Variants in SOCS5 observed in about 807,000 individuals in gnomAD.
SOCS5 encodes the protein suppressor of cytokine signaling 5, also known as CIS-6.
A neutral mutation model predicts 42.8 loss-of-function variants in SOCS5; 32 were observed. The ratio of observed to expected loss-of-function variants is 0.75; its 90% CI spans 0.56 to 1.01. SOCS5 has a LOEUF of 1.01. SOCS5 is among the 50% of genes least tolerant of loss of function. SOCS5 has a pLI of 0.00. For missense variants in SOCS5, 627 were observed against 653.0 expected, an observed-to-expected ratio of 0.96 and a Z score of 0.43; for synonymous variants, 283 against 229.6, an observed-to-expected ratio of 1.23 and a Z score of -2.10.
At chr2:46,703,345 G>GT (rs1672387059) in intron 1 of SOCS5, among the ~76,000 whole-genome samples, 1 of 144,000 alleles carries the variant, frequency 6.9e-6, no homozygotes, top group Non-Finnish European at 1.5e-5. Context: ...GCCATCACAA[G>GT]TTTTCACAGT....
At chr2:46,706,206 A>G (rs541969346) in intron 1 of SOCS5, among the ~76,000 whole-genome samples, 2 of 152,186 alleles carry the variant, frequency 1.3e-5, no homozygotes, top group Non-Finnish European at 1.5e-5. Context: ...TTAGTTCAGA[A>G]AGGTAGGTGG....
intron 1 of SOCS5, among the ~76,000 whole-genome samples, chr2:46,729,628 A>C (rs1041620434): frequency 6.6e-6 from 1 of 152,218 alleles, no homozygotes; most frequent in African/African-American, 2.4e-5. Flanking sequence ...ACACCTGTAT[A>C]GGGCACTTGT....
chr2:46,750,151 C>T (rs766823408), intron 1 of SOCS5, among the ~76,000 whole-genome samples: 7 of 152,110 alleles, frequency 4.6e-5, no homozygotes, highest in Non-Finnish European at 1.0e-4. Flanking sequence ...CCTTTCTGCT[C>T]CTGCCTCCCA....
intron 1 of SOCS5, among the ~76,000 whole-genome samples, chr2:46,712,336 C>CG (rs1672642055): frequency 1.5e-5 from 1 of 64,954 alleles, no homozygotes; most frequent in Non-Finnish European, 2.6e-5. Flanking sequence ...GGATGTTTAG[C>CG]TTTTTTTTTT....
At chr2:46,712,634 G>A (rs913053654) in intron 1 of SOCS5, among the ~76,000 whole-genome samples, 9 of 152,152 alleles carry the variant, frequency 5.9e-5, no homozygotes, top group Admixed American at 1.3e-4. Flanking sequence ...GAGCCACTGT[G>A]CCCGGCCTGT....
At chr2:46,744,755 TGACCTCCGGTGATCCGCCC>T (rs1307625339) in intron 1 of SOCS5, among the ~76,000 whole-genome samples, 4 of 151,880 alleles carry the variant, frequency 2.6e-5, no homozygotes, top group Non-Finnish European at 5.9e-5. Context: ...TTCAAACTCC[TGACCTCCGGTGATCCGCCC>T]ACCTCAGCCT....
At chr2:46,705,982 G>C (rs1364052848) in intron 1 of SOCS5, among the ~76,000 whole-genome samples, 1 of 152,202 alleles carries the variant, frequency 6.6e-6, no homozygotes, top group Non-Finnish European at 1.5e-5. Context: ...GACCCAGGAA[G>C]GGGATCCAGA....
At chr2:46,749,803 A>G (rs886814055) in intron 1 of SOCS5, among the ~76,000 whole-genome samples, 1 of 152,216 alleles carries the variant, frequency 6.6e-6, no homozygotes, top group Non-Finnish European at 1.5e-5. Flanking sequence ...CTTAGGATAT[A>G]ATATGGAAGT....
intron 1 of SOCS5, among the ~76,000 whole-genome samples, chr2:46,701,578 A>G (rs570449734): frequency 4.6e-5 from 7 of 152,110 alleles, no homozygotes; most frequent in African/African-American, 1.4e-4. Flanking sequence ...CCAACTGTTA[A>G]TGGTTTTTGG....
chr2:46,729,081 A>C (rs1306960123), intron 1 of SOCS5, among the ~76,000 whole-genome samples: 2 of 152,168 alleles, frequency 1.3e-5, no homozygotes, highest in Non-Finnish European at 2.9e-5. Flanking sequence ...TTAATTTGAG[A>C]ACCATTTATC....
At chr2:46,702,692 G>A (rs1163616674) in intron 1 of SOCS5, among the ~76,000 whole-genome samples, 1 of 152,098 alleles carries the variant, frequency 6.6e-6, no homozygotes, top group Admixed American at 6.5e-5. Context: ...AGATTTTAGT[G>A]ATAAAATGTG....
intron 1 of SOCS5, among the ~76,000 whole-genome samples, chr2:46,711,411 A>AT: frequency 6.6e-6 from 1 of 152,210 alleles, no homozygotes; most frequent in Admixed American, 6.5e-5. Context: ...CTTATAGGCT[A>AT]TTTTGCATAT....
intron 1 of SOCS5, among the ~76,000 whole-genome samples, chr2:46,750,562 A>G (rs903143483): frequency 6.6e-6 from 1 of 152,168 alleles, no homozygotes; most frequent in Non-Finnish European, 1.5e-5. Context: ...TGATTACAAA[A>G]TACATTCTTA....
intron 1 of SOCS5, 146 bp from the exon 2 acceptor site, chr2:46,758,373 C>T: frequency 3.2e-6 from 2 of 622,780 alleles, no homozygotes; most frequent in Non-Finnish European, 5.6e-6. Context: ...AACACACGGC[C>T]TCATCACTTC....
intron 1 of SOCS5, among the ~76,000 whole-genome samples, chr2:46,713,860 C>A (rs1672682100): frequency 6.6e-6 from 1 of 152,082 alleles, no homozygotes; most frequent in South Asian, 2.1e-4. Flanking sequence ...ATTATTATTC[C>A]ATTCAAAATA....
chr2:46,724,940 A>T (rs1262243032), intron 1 of SOCS5, among the ~76,000 whole-genome samples: 1 of 151,098 alleles, frequency 6.6e-6, no homozygotes, highest in Non-Finnish European at 1.5e-5. Flanking sequence ...TTTTTGTTGC[A>T]TAGTTTTTTG....
At position 46,762,048 on chromosome 2, in the gene SOCS5, A is replaced by T. The variant is rs1228756054; in HGVS notation, c.*1907A>T. 5 of 167,054 alleles carry T rather than the reference A, an allele frequency of 3.0e-5. No individual in the cohort carries two copies. The highest frequency in any genetic ancestry group is 4.8e-5 in the African/African-American group (2 of 41,470). The allele number at this position is 167,054 out of a possible 1,614,324, so 10.3% of individuals were successfully genotyped here. ...TTGGTTTGGGGACCATCTTAATTAA[A>T]AATAAATGCCCAAAATGTAGAACTT... On this transcript the variant is annotated 3_prime_UTR_variant, in exon 2 of 2. Transcript: ENST00000394861.
At chr2:46,707,607 G>GT in intron 1 of SOCS5, among the ~76,000 whole-genome samples, 1 of 152,188 alleles carries the variant, frequency 6.6e-6, no homozygotes, top group Non-Finnish European at 1.5e-5. Context: ...GGTTTTGTAT[G>GT]TAGCCATATA....
chr2:46,753,544 A>G (rs1673670639), intron 1 of SOCS5, among the ~76,000 whole-genome samples: 1 of 152,196 alleles, frequency 6.6e-6, no homozygotes, highest in South Asian at 2.1e-4. Context: ...TTCGATCCAG[A>G]CCCCAAGAGA....
Sources: allele counts gnomAD v4.1 joint callset (sites outside exome capture counted in the v4.1 genomes callset), GRCh38; gene constraint gnomAD v4.1.1; transcripts MANE v1.5; gene names NCBI Gene and HGNC (gene_info 2026-07-23, HGNC 2026-07-21).